SPMIP7: variants seen among roughly 807,000 people sequenced by gnomAD.
SPMIP7 encodes the protein protein SPMIP7.
the SPMIP7 span, among the ~76,000 whole-genome samples, chr7:50,137,705 A>G: frequency 6.6e-6 from 1 of 152,194 alleles, no homozygotes; most frequent in Non-Finnish European, 1.5e-5. Context: ...ATCCAGTCTT[A>G]TCAATAACAA....
chr7:50,159,176 C>T, the SPMIP7 span: 2 of 1,550,142 alleles, frequency 1.3e-6, no homozygotes, highest in Non-Finnish European at 1.7e-6. Flanking sequence ...CTAGAGGAGG[C>T]GGCCCTGCGC....
At chr7:50,140,591 C>T in the SPMIP7 span, among the ~76,000 whole-genome samples, 41 of 152,118 alleles carry the variant, frequency 2.7e-4, no homozygotes, top group Non-Finnish European at 5.7e-4. Context: ...CATTTAATGC[C>T]GGCTTTCCAT....
chr7:50,130,489 C>T, the SPMIP7 span, among the ~76,000 whole-genome samples: 1 of 151,942 alleles, frequency 6.6e-6, no homozygotes, highest in African/African-American at 2.4e-5. Flanking sequence ...CCTGGCCCCA[C>T]CCTACACAGG....
At chr7:50,157,899 T>TA in the SPMIP7 span, among the ~76,000 whole-genome samples, 41,557 of 125,856 alleles carry the variant, frequency 0.33, 6,304 homozygotes, top group East Asian at 0.74. Flanking sequence ...CAAAGCTTTT[T>TA]TAAAAAAAAT....
At chr7:50,099,128 C>T in the SPMIP7 span, among the ~76,000 whole-genome samples, 1 of 152,108 alleles carries the variant, frequency 6.6e-6, no homozygotes, top group East Asian at 1.9e-4. Flanking sequence ...TTTCACTTAC[C>T]GTAATGTCCT....
At chr7:50,114,792 C>T in the SPMIP7 span, among the ~76,000 whole-genome samples, 6 of 151,876 alleles carry the variant, frequency 4.0e-5, no homozygotes, top group Non-Finnish European at 8.8e-5. Context: ...CACTTTGGGA[C>T]GCTGAGGAGA....
At chr7:50,158,950 C>T in the SPMIP7 span, 37 of 1,330,768 alleles carry the variant, frequency 2.8e-5, no homozygotes, top group Non-Finnish European at 3.5e-5. Context: ...CTCCCCTCCC[C>T]TTCCCGCACA....
the SPMIP7 span, chr7:50,117,162 A>G: frequency 3.2e-5 from 14 of 439,138 alleles, no homozygotes; most frequent in Non-Finnish European, 5.5e-5. Context: ...ATAGCCTTAC[A>G]ACAGCCTTCA....
chr7:50,125,197 TATATATACAC>T, the SPMIP7 span, among the ~76,000 whole-genome samples: 2 of 59,410 alleles, frequency 3.4e-5, no homozygotes, highest in Non-Finnish European at 8.0e-5. Flanking sequence ...TATATACACA[TATATATACAC>T]ATATATATAC....
chr7:50,151,818 G>T, the SPMIP7 span, among the ~76,000 whole-genome samples: 5 of 152,250 alleles, frequency 3.3e-5, no homozygotes, highest in Non-Finnish European at 1.5e-5. Flanking sequence ...ATGTTATTAC[G>T]AATGTGGCCA....
At chr7:50,125,607 T>C in the SPMIP7 span, among the ~76,000 whole-genome samples, 1 of 151,174 alleles carries the variant, frequency 6.6e-6, no homozygotes, top group Non-Finnish European at 1.5e-5. Flanking sequence ...TGTGTGTGTG[T>C]GTGTGTGTGT....
chr7:50,119,862 G>C, the SPMIP7 span, among the ~76,000 whole-genome samples: 1 of 152,166 alleles, frequency 6.6e-6, no homozygotes, highest in East Asian at 1.9e-4. Context: ...GTAAGGTCTC[G>C]TTCCACTGAA....
chr7:50,151,411 A>C, the SPMIP7 span: 1 of 1,400,216 alleles, frequency 7.1e-7, no homozygotes, highest in Non-Finnish European at 9.8e-7. Context: ...TCATCATTTT[A>C]ATTTCCTCTT....
chr7:50,130,018 A>G, the SPMIP7 span, among the ~76,000 whole-genome samples: 1 of 152,134 alleles, frequency 6.6e-6, no homozygotes, highest in East Asian at 1.9e-4. Flanking sequence ...GTAAATGGTC[A>G]AAGAGGGAGT....
chr7:50,134,054 C>T, the SPMIP7 span: 8 of 1,438,748 alleles, frequency 5.6e-6, no homozygotes, highest in East Asian at 2.5e-5. Flanking sequence ...TTGTTATAAA[C>T]TTTACCAATT....
the SPMIP7 span, among the ~76,000 whole-genome samples, chr7:50,121,551 A>G: frequency 1.3e-5 from 2 of 152,330 alleles, no homozygotes; most frequent in Admixed American, 1.3e-4. Flanking sequence ...CACATTTTGT[A>G]GTGGAACTCT....
At chr7:50,134,561 A>G in the SPMIP7 span, among the ~76,000 whole-genome samples, 2 of 152,238 alleles carry the variant, frequency 1.3e-5, no homozygotes, top group Non-Finnish European at 2.9e-5. Context: ...TTGCAAGAGA[A>G]TGAGTAAATA....
At chr7:50,120,163 C>T in the SPMIP7 span, 1 of 152,164 alleles carries the variant, frequency 6.6e-6, no homozygotes, top group Non-Finnish European at 1.5e-5. Flanking sequence ...TAATACCTTC[C>T]ATAATCAAAG....
At chr7:50,129,025 AAATT>A in the SPMIP7 span, among the ~76,000 whole-genome samples, 1 of 152,180 alleles carries the variant, frequency 6.6e-6, no homozygotes, top group Admixed American at 6.6e-5. Flanking sequence ...TCAATGAGGT[AAATT>A]TGTTACTAAA....
Sources: allele counts gnomAD v4.1 joint callset (sites outside exome capture counted in the v4.1 genomes callset), GRCh38; gene constraint gnomAD v4.1.1; transcripts MANE v1.5; gene names NCBI Gene and HGNC (gene_info 2026-07-23, HGNC 2026-07-21).